The following PRAG1 variants were observed in gnomAD, a reference collection of about 807,000 sequenced individuals.
PRAG1 encodes PEAK1 related, kinase-activating pseudokinase 1.
Under a neutral mutation model 95.6 loss-of-function variants are expected in PRAG1, and 110 were observed. The observed-to-expected ratio is 1.15, with a 90% CI of 0.99 to 1.35. The LOEUF (loss-of-function observed/expected upper bound fraction) is 1.35. Among genes scored for constraint, PRAG1 ranks in the 40% most tolerant of loss-of-function variants. The pLI is 0.00. For synonymous variants in PRAG1, 1,052 were observed against 819.4 expected (o/e 1.28, Z -4.85); for missense variants, 2,554 against 1,864.7 (o/e 1.37, Z -6.81).
chr8:8,319,093 C>G lies in PRAG1; in HGVS notation c.3282G>C (p.Glu1094Asp), dbSNP rs960676270. Reference protein sequence around the residue: ...EQDCVVVITREVPHQTASDFV... With the variant: ...EQDCVVVITRDVPHQTASDFV... ...AGTCGGAGGCGGTCTGATGTGGCAC[C>G]TCTCGGGTGATGACCACCACGCAGT... is the stretch of plus-strand genomic sequence containing the variant. Residue 1094 changes from glutamate (E) to aspartate (D), a missense_variant, in exon 6 of 6, where the codon GAG becomes GAC. Glu to Asp is a conservative substitution (Grantham distance 45). Coordinates refer to ENST00000615670, the MANE Select transcript of PRAG1 (RefSeq NM_001080826.3). 2 of 1,610,158 alleles carry G rather than the reference C, an allele frequency of 1.2e-6. No individual in the cohort carries two copies. Among genetic ancestry groups the G allele is most frequent in the Non-Finnish European group, 1.7e-6 (2 of 1,179,554 alleles).
chr8:8,370,999 G>T (rs924619514), intron 3 of PRAG1, among the ~76,000 whole-genome samples: 1 of 151,922 alleles, frequency 6.6e-6, no homozygotes, highest in African/African-American at 2.4e-5. Context: ...TTAGCCATGC[G>T]TGGTGGCGCA....
Position 8,339,612 on chromosome 8 carries a change from C to T in PRAG1, c.2186G>A (p.Ser729Asn). Residue 729 changes from serine (S) to asparagine (N), a missense_variant, in exon 4 of 6, where the codon AGC becomes AAC. Transcript: ENST00000615670. ...GCTCACTTTTTCCAAATCAGAGCTG[C>T]TCTTGTTCATTTTTAGAAGGTGCCT... is the stretch of plus-strand genomic sequence containing the variant. The part of the protein sequence containing the change: ...KSRHLLKMNK[S>N]SSDLEKVSQG... 1 of 1,612,636 alleles carries T rather than the reference C, an allele frequency of 6.2e-7. No individual in the cohort carries two copies. Among genetic ancestry groups the T allele is most frequent in the East Asian group, 2.2e-5 (1 of 44,804 alleles).
intron 3 of PRAG1, among the ~76,000 whole-genome samples, chr8:8,346,816 C>G (rs1413247074): frequency 6.6e-6 from 1 of 152,184 alleles, no homozygotes; most frequent in Non-Finnish European, 1.5e-5. Context: ...CTGCCCCTGA[C>G]TTTTGTTTGG....
intron 3 of PRAG1, chr8:8,374,754 A>G: frequency 1.0e-6 from 1 of 967,060 alleles, no homozygotes; most frequent in Non-Finnish European, 1.2e-6. Flanking sequence ...GTGGGCGGCC[A>G]GTGCAATACC....
In PRAG1 at chr8:8,381,575, G is replaced by A. The variant is rs189942156; in HGVS notation, c.173C>T (p.Pro58Leu). The change falls in exon 2 of 6, where the codon CCG (proline) becomes CTG (leucine). Residue 58 changes from proline to leucine, a missense_variant. Physicochemically the swap from Pro to Leu is moderately conservative, Grantham distance 98. Coordinates refer to ENST00000615670, the MANE Select transcript of PRAG1 (RefSeq NM_001080826.3). ...QPRAGSLPPP[P>L]RLPPRPENCR... ...GTTCTCAGGCCTGGGAGGCAGGCGC[G>A]GTGGAGGGGGCAGGCTGCCCGCTCT... 3.7e-5 allele frequency: 59 copies of A among 1,614,068 alleles called. No individual in the cohort carries two copies. The highest frequency in any genetic ancestry group is 6.7e-5 in the East Asian group (3 of 44,896).
At chr8:8,374,723 G>A in intron 3 of PRAG1, 6 of 985,290 alleles carry the variant, frequency 6.1e-6, no homozygotes, top group South Asian at 9.4e-5. Context: ...CTCAGGATCT[G>A]GAAGATGTCT....
At chr8:8,361,814 C>A (rs1799855386) in intron 3 of PRAG1, among the ~76,000 whole-genome samples, 1 of 152,202 alleles carries the variant, frequency 6.6e-6, no homozygotes, top group Non-Finnish European at 1.5e-5. Context: ...AATGAAGCAA[C>A]AATACTTAAT....
chr8:8,352,733 G>C (rs1027033051), intron 3 of PRAG1, among the ~76,000 whole-genome samples: 1 of 151,970 alleles, frequency 6.6e-6, no homozygotes, highest in Non-Finnish European at 1.5e-5. Context: ...CTCACTTCTA[G>C]GTATACACAC....
intron 3 of PRAG1, among the ~76,000 whole-genome samples, chr8:8,349,312 G>A (rs377681911): frequency 5.4e-4 from 80 of 148,056 alleles, no homozygotes; most frequent in African/African-American, 2.0e-3. Flanking sequence ...ACAGAGTCTC[G>A]CTCTGTCACC....
chr8:8,357,886 T>G (rs1799729810), intron 3 of PRAG1, among the ~76,000 whole-genome samples: 1 of 152,218 alleles, frequency 6.6e-6, no homozygotes, highest in Non-Finnish European at 1.5e-5. Context: ...CAATACAAAA[T>G]ACTTCTGTGA....
Position 8,376,869 on chromosome 8 carries a change from C to T in PRAG1, c.1540G>A (p.Glu514Lys), listed in dbSNP as rs575894077. 12 of 1,613,212 alleles carry T rather than the reference C, an allele frequency of 7.4e-6. 1 individual carries two copies. In the South Asian group the frequency reaches 9.9e-5, roughly 13 times the overall value. The change falls in exon 3 of 6, where the codon GAA becomes AAA. Residue 514 changes from glutamate to lysine, a missense_variant. Physicochemically the swap from Glu to Lys is moderately conservative, Grantham distance 56. Coordinates refer to ENST00000615670, the MANE Select transcript of PRAG1 (RefSeq NM_001080826.3). The stretch of plus-strand genomic sequence containing the variant: ...CCCTGCCCAGCCGAAGTCTCCTCTT[C>T]ACCTACCTCGGAGTTCTGGCTCACA... ...GPVSQNSEVG[E>K]EETSAGQGLS...
chr8:8,354,648 A>G (rs1799630436), intron 3 of PRAG1, among the ~76,000 whole-genome samples: 2 of 152,226 alleles, frequency 1.3e-5, no homozygotes, highest in African/African-American at 4.8e-5. Context: ...TCATTGTAAT[A>G]TGTCACATTA....
At chr8:8,363,026 T>C (rs1187003487) in intron 3 of PRAG1, among the ~76,000 whole-genome samples, 2 of 151,138 alleles carry the variant, frequency 1.3e-5, no homozygotes, top group East Asian at 3.9e-4. Context: ...AAAACTAATA[T>C]TGTAGTTAAA....
chr8:8,319,367 G>C (rs1217476812), intron 5 of PRAG1, 65 bp from the exon 6 acceptor site: 1 of 1,379,922 alleles, frequency 7.2e-7, no homozygotes. Context: ...AAAGAGTGTG[G>C]AAACATTTGA....
Position 8,339,572 on chromosome 8 carries a change from T to G in PRAG1, c.2226A>C (p.Glu742Asp), listed in dbSNP as rs200729465. ...CACCCCTGAAGGATGGGCTGAGGCT[T>G]TCTGCAGAGCCCTGGCTCACTTTTT... ...DLEKVSQGSAESLSPSFRGVH... is the reference protein window; with the variant it reads ...DLEKVSQGSADSLSPSFRGVH... Residue 742 changes from glutamate to aspartate, a missense_variant, in exon 4 of 6, where the codon GAA (glutamate) becomes GAC (aspartate). Physicochemically the swap from Glu to Asp is conservative, Grantham distance 45. Transcript: ENST00000615670. 5.0e-6 allele frequency: 8 copies of G among 1,614,182 alleles called. No individual in the cohort carries two copies. The Admixed American group carries it at 1.2e-4, about 24-fold the overall frequency.
intron 3 of PRAG1, among the ~76,000 whole-genome samples, chr8:8,370,781 G>A (rs1352681389): frequency 2.0e-5 from 3 of 152,182 alleles, no homozygotes; most frequent in Non-Finnish European, 4.4e-5. Context: ...GGCCACTTCT[G>A]TGGACAGAAA....
chr8:8,321,778 G>A (rs1246632656), intron 5 of PRAG1, among the ~76,000 whole-genome samples: 1 of 152,180 alleles, frequency 6.6e-6, no homozygotes. Flanking sequence ...TATTAGCTCT[G>A]TAACCTTTGT....
chr8:8,318,936 A>T lies in PRAG1; in HGVS notation c.3439T>A (p.Cys1147Ser). Residue 1147 changes from cysteine to serine, a missense_variant, in exon 6 of 6, where the codon TGC becomes AGC. Coordinates refer to ENST00000615670, the MANE Select transcript of PRAG1 (RefSeq NM_001080826.3). This position sits in a 1 kb window ranked among gnomAD's most constrained non-coding sequence, Gnocchi z 4.2. ...KEHGIIHRDL[C>S]LENLLLVHCT... ...TGCACCAGCAGCAGGTTCTCCAGGC[A>T]CAGGTCCCGGTGGATGATCCCGTGC... is the stretch of plus-strand genomic sequence containing the variant. The T allele has an allele frequency of 6.2e-7, 1 of 1,611,880 alleles. No homozygotes were observed. Among genetic ancestry groups the T allele is most frequent in the Non-Finnish European group, 8.5e-7 (1 of 1,179,310 alleles).
chr8:8,319,404 C>G, intron 5 of PRAG1, 102 bp from the exon 6 acceptor site: 1 of 956,284 alleles, frequency 1.0e-6, no homozygotes, highest in Non-Finnish European at 1.5e-6. Flanking sequence ...AGCCTATCCA[C>G]ATAGGCTTAA....
Sources: gnomAD v4.1 joint callset for allele counts (sites outside exome capture counted in the v4.1 genomes callset) on GRCh38, gnomAD v4.1.1 for gene constraint, Gnocchi (gnomAD v3.1) non-coding constraint, MANE v1.5 for transcripts, NCBI Gene and HGNC (gene_info 2026-07-23, HGNC 2026-07-21) for gene names.